Variants in TNRC18 observed in about 807,000 individuals in gnomAD.
TNRC18 encodes the protein trinucleotide repeat containing 18, also known as trinucleotide repeat-containing gene 18 protein.
A neutral mutation model predicts 226.7 loss-of-function variants in TNRC18; 69 were observed. The observed-to-expected ratio is 0.30, with a 90% CI of 0.25 to 0.37. The LOEUF (loss-of-function observed/expected upper bound fraction) is 0.37. TNRC18 is among the 10% of genes least tolerant of loss of function. The probability of loss-of-function intolerance (pLI) is 1.00; values close to 1 mark genes in which losing one functional copy is unlikely to be tolerated. For synonymous variants in TNRC18, 2,449 were observed against 1,927.6 expected, an observed-to-expected ratio of 1.27 and a Z score of -7.09; for missense variants, 4,754 against 4,256.6, an observed-to-expected ratio of 1.12 and a Z score of -3.25.
In TNRC18 at chr7:5,309,439, G is replaced by C. The variant is rs1331651932; in HGVS notation, c.8389-71C>G. On this transcript the variant is annotated intron_variant, in intron 27 of 29. Transcript: ENST00000430969. The surrounding 1 kb of genome is among the most constrained non-coding windows in gnomAD (Gnocchi z 5.7). ...AGGAGCCCGCCGCCTGGCAGGCTCT[G>C]CCGCTTGGGACTCTGGGCCCTCGGC... The C allele has an allele frequency of 1.4e-6, 2 of 1,395,138 alleles. No homozygotes were observed. Among genetic ancestry groups the C allele is most frequent in the African/African-American group, 2.8e-5 (2 of 70,250 alleles). The allele number at this position is 1,395,138 out of a possible 1,614,324, so 86.4% of individuals were successfully genotyped here.
intron 21 of TNRC18, among the ~76,000 whole-genome samples, chr7:5,321,898 C>G (rs1031238958): frequency 6.6e-6 from 1 of 151,946 alleles, no homozygotes; most frequent in Admixed American, 6.6e-5. Context: ...TCCCGAGCCC[C>G]TGACCTCCGG....
intron 16 of TNRC18, among the ~76,000 whole-genome samples, chr7:5,355,183 C>T (rs1792225173): frequency 6.6e-6 from 1 of 152,228 alleles, no homozygotes; most frequent in African/African-American, 2.4e-5. Context: ...GGTGCTCTGT[C>T]CACAGATACT....
intron 3 of TNRC18, among the ~76,000 whole-genome samples, chr7:5,393,853 C>A (rs1489081654): frequency 6.6e-6 from 1 of 152,172 alleles, no homozygotes; most frequent in African/African-American, 2.4e-5. Flanking sequence ...AAGGCCCCAA[C>A]AGCCCCAGGT....
chr7:5,367,717 C>T (rs189586757), intron 11 of TNRC18, among the ~76,000 whole-genome samples: 14 of 151,550 alleles, frequency 9.2e-5, no homozygotes, highest in East Asian at 2.0e-4. Context: ...CGTGTGCCAC[C>T]GTGCCTGGCC....
intron 8 of TNRC18, 143 bp from the exon 9 acceptor site, chr7:5,376,367 G>C (rs1794678850): frequency 1.3e-6 from 1 of 771,692 alleles, no homozygotes; most frequent in Non-Finnish European, 2.0e-6. Flanking sequence ...CTGCTCCCCA[G>C]GGGCCAGGAA....
chr7:5,353,767 C>T (rs1414226993), intron 16 of TNRC18, among the ~76,000 whole-genome samples: 1 of 152,134 alleles, frequency 6.6e-6, no homozygotes, highest in African/African-American at 2.4e-5. Context: ...CAGAGGAGCG[C>T]TCTGCAGAGC....
intron 2 of TNRC18, among the ~76,000 whole-genome samples, chr7:5,400,623 T>A (rs1028028863): frequency 6.6e-6 from 1 of 151,922 alleles, no homozygotes; most frequent in African/African-American, 2.4e-5. Flanking sequence ...AATAAATAAA[T>A]ATTCAATTTT....
At chr7:5,310,416 A>G (rs1787053337) in intron 27 of TNRC18, among the ~76,000 whole-genome samples, 1 of 151,910 alleles carries the variant, frequency 6.6e-6, no homozygotes, top group African/African-American at 2.4e-5. Context: ...GTGTATTTTT[A>G]GTAGAGACGG....
rs1322057667 is a variant in TNRC18 at position 5,376,133 on chromosome 7, C to T, written c.2700G>A (p.Gln900=). The change falls in exon 9 of 30, where the codon CAG becomes CAA. Residue 900 remains glutamine (Q), a synonymous_variant. Coordinates refer to ENST00000430969, the MANE Select transcript of TNRC18 (RefSeq NM_001080495.3). ...GCAGGAAGTGCTGCTGTGAGAAGAG[C>T]TGCAGCTGCTGGGCGTGGTGCAGGG... ...RSPLHHAQQL[Q]LFSQQHFLRQ... 1.3e-6 allele frequency: 2 copies of T among 1,588,530 alleles called. No individual in the cohort carries two copies. The highest frequency in any genetic ancestry group is 2.3e-5 in the East Asian group (1 of 43,550).
chr7:5,320,731 GA>G (rs1419826220), intron 22 of TNRC18, 124 bp from the exon 23 acceptor site: 3 of 809,552 alleles, frequency 3.7e-6, no homozygotes, highest in South Asian at 1.8e-5. Context: ...GAGGTTTGCT[GA>G]CTTGCTGAAT....
chr7:5,374,554 T>C, intron 9 of TNRC18, 70 bp from the exon 10 acceptor site: 1 of 1,466,304 alleles, frequency 6.8e-7, no homozygotes, highest in Admixed American at 2.2e-5. Flanking sequence ...GCACCTGCCC[T>C]GTCCCCCCAA....
In TNRC18 at chr7:5,308,149, G is replaced by C; in HGVS notation, c.8864C>G (p.Thr2955Arg). Residue 2955 changes from threonine to arginine, a missense_variant, in exon 30 of 30, where the codon ACG (threonine) becomes AGG (arginine). Coordinates refer to ENST00000430969, the MANE Select transcript of TNRC18 (RefSeq NM_001080495.3). ...GCCGTCCGTGGAGAAGATCATGCCCGTGGTGGGCTCGTAGGTGCCCGCGAG... is the reference window on the plus strand; with the variant it reads ...GCCGTCCGTGGAGAAGATCATGCCCCTGGTGGGCTCGTAGGTGCCCGCGAG... ...YYLAGTYEPTTGMIFSTDGVP... is the reference protein window; with the variant it reads ...YYLAGTYEPTRGMIFSTDGVP... The C allele has an allele frequency of 1.3e-6, 2 of 1,568,000 alleles. No homozygotes were observed. Among genetic ancestry groups the C allele is most frequent in the Non-Finnish European group, 1.7e-6 (2 of 1,157,484 alleles).
chr7:5,377,336 C>CCCCCG lies in TNRC18; in HGVS notation c.2461+34_2461+35insCGGGG. ...CACCCGCCCCCTCCCACCCCTCCCTCAGAGAAGGGGAGAGACCCTGTGCCC... is the reference window on the plus strand; with the variant it reads ...CACCCGCCCCCTCCCACCCCTCCCTCCCCCGAGAGAAGGGGAGAGACCCTGTGCCC... On this transcript the variant is annotated intron_variant, in intron 7 of 29. Transcript: ENST00000430969. The surrounding 1 kb of genome is among the most constrained non-coding windows in gnomAD (Gnocchi z 5.8). 1 of 1,156,912 alleles carries CCCCCG rather than the reference C, an allele frequency of 8.6e-7. No individual in the cohort carries two copies. The highest frequency in any genetic ancestry group is 1.2e-6 in the Non-Finnish European group (1 of 824,278). 71.7% of individuals were successfully genotyped at this position (1,156,912 alleles called of 1,614,324 possible). A position where few individuals can be genotyped will look rare whatever the true frequency, so the allele number is the denominator to read the frequency against.
intron 2 of TNRC18, among the ~76,000 whole-genome samples, chr7:5,395,468 C>T (rs563806201): frequency 6.6e-6 from 1 of 152,346 alleles, no homozygotes; most frequent in East Asian, 1.9e-4. Flanking sequence ...CCACATCGGA[C>T]AGGGTGCCTC....
chr7:5,345,524 C>CCCCCCCCCCCCCCCCCCCCCCCCCCCCAA, intron 18 of TNRC18, 38 bp downstream of exon 18: 1 of 182,370 alleles, frequency 5.5e-6, no homozygotes, highest in Non-Finnish European at 1.2e-5. Flanking sequence ...TCCGCCCCTC[C>CCCCCCCCCCCCCCCCCCCCCCCCCCCCAA]CACCCACCCC....
chr7:5,339,898 A>AG (rs1203911933), intron 18 of TNRC18, among the ~76,000 whole-genome samples: 1 of 151,936 alleles, frequency 6.6e-6, no homozygotes, highest in East Asian at 1.9e-4. Flanking sequence ...GAGGAAGAAA[A>AG]AAAAAAAAAG....
chr7:5,385,274 G>A (rs1389943498), intron 5 of TNRC18, among the ~76,000 whole-genome samples: 1 of 151,998 alleles, frequency 6.6e-6, no homozygotes, highest in East Asian at 1.9e-4. Flanking sequence ...ATCACTTGAG[G>A]TCAGGAGATC....
At chr7:5,356,265 G>A (rs1267914360) in intron 16 of TNRC18, among the ~76,000 whole-genome samples, 3 of 151,534 alleles carry the variant, frequency 2.0e-5, no homozygotes, top group African/African-American at 7.3e-5. Flanking sequence ...GTTTAACCCC[G>A]AGTCGCCTCT....
In TNRC18 at chr7:5,312,462, C is replaced by T; in HGVS notation, c.8388+41G>A. The T allele has an allele frequency of 1.3e-6, 2 of 1,593,560 alleles. No homozygotes were observed. Among genetic ancestry groups the T allele is most frequent in the Non-Finnish European group, 1.7e-6 (2 of 1,172,940 alleles). ...GTGGGCCCAGCAGAGAGACACAAGG[C>T]CCCCGGCCCCTCGGCCGTGCCCGGG... On this transcript the variant is annotated intron_variant, in intron 27 of 29. Transcript: ENST00000430969. The surrounding 1 kb of genome is among the most constrained non-coding windows in gnomAD (Gnocchi z 6.3).
Sources: gnomAD v4.1 joint callset for allele counts (sites outside exome capture counted in the v4.1 genomes callset) on GRCh38, gnomAD v4.1.1 for gene constraint, Gnocchi (gnomAD v3.1) non-coding constraint, MANE v1.5 for transcripts, NCBI Gene and HGNC (gene_info 2026-07-23, HGNC 2026-07-21) for gene names.